EEF1D: variants seen among roughly 807,000 people sequenced by gnomAD.
EEF1D encodes eukaryotic translation elongation factor 1 delta, also known as elongation factor 1-delta.
Under a neutral mutation model 63.9 loss-of-function variants are expected in EEF1D, and 47 were observed. The ratio of observed to expected loss-of-function variants is 0.74; its 90% confidence interval spans 0.58 to 0.94. The LOEUF (loss-of-function observed/expected upper bound fraction) is 0.94, where lower values mean the gene tolerates loss of function less well. Among genes scored for constraint, EEF1D ranks in the 40% least tolerant of loss-of-function variants. EEF1D has a pLI of 0.00. For missense variants in EEF1D, 907 were observed against 899.0 expected (o/e 1.01, Z -0.11); for synonymous variants, 412 against 386.1 (o/e 1.07, Z -0.79).
At position 143,580,644 on chromosome 8, in the gene EEF1D, G is replaced by A. The variant is rs750256442; in HGVS notation, c.1572C>T (p.Asp524=). The A allele has an allele frequency of 1.2e-5, 19 of 1,613,836 alleles. No individual in the cohort carries two copies. Among genetic ancestry groups the A allele is most frequent in the African/African-American group, 2.7e-5 (2 of 74,936 alleles). ...CCTCCTCATTGTCACTGCCAAACAG[G>A]TCAATGTCATCATCCTCGTCATCCT... ...PAEDDEDDDI[D]LFGSDNEEED... is the part of the protein sequence containing the mutation. Residue 524 remains aspartate (D), a synonymous_variant, in exon 8 of 10, where the codon GAC becomes GAT. Transcript: ENST00000618139.
chr8:143,589,939 G>C lies in EEF1D; in HGVS notation c.143C>G (p.Ala48Gly), dbSNP rs776985852. Residue 48 changes from alanine (A) to glycine (G), a missense_variant, in exon 3 of 10, where the codon GCC becomes GGC. Transcript: ENST00000618139. Reference protein sequence around the residue: ...SAQQLPAEGPAMNGPGQDDPE... With the variant: ...SAQQLPAEGPGMNGPGQDDPE... Reference sequence around the variant, plus strand: ...GTCGTCCTGGCCGGGCCCATTCATGGCTGGCCCCTCGGCTGGCAGCTGCTG... The same window carrying C: ...GTCGTCCTGGCCGGGCCCATTCATGCCTGGCCCCTCGGCTGGCAGCTGCTG... 61 of 1,599,728 alleles carry C rather than the reference G, an allele frequency of 3.8e-5. No homozygotes were observed. Among genetic ancestry groups the C allele is most frequent in the Non-Finnish European group, 5.0e-5 (59 of 1,178,966 alleles).
At chr8:143,584,659 AGAG>A (rs1826214546) in intron 5 of EEF1D, among the ~76,000 whole-genome samples, 1 of 152,030 alleles carries the variant, frequency 6.6e-6, no homozygotes, top group African/African-American at 2.4e-5. Context: ...GTGAGGACTC[AGAG>A]GAGGTGAGGA....
chr8:143,580,685 G>T lies in EEF1D; in HGVS notation c.1531C>A (p.Pro511Thr). The T allele has an allele frequency of 6.2e-7, 1 of 1,613,878 alleles. No homozygotes were observed. Among genetic ancestry groups the T allele is most frequent in the Non-Finnish European group, 8.5e-7 (1 of 1,179,998 alleles). ...MRQVEPPAKK[P>T]ATPAEDDEDD... ...TCGTCATCCTCTGCTGGTGTGGCTG[G>T]CTTCTTGGCTGGGGGCTCCACTTGG... The change falls in exon 8 of 10, where the codon CCA (proline) becomes ACA (threonine). Residue 511 changes from proline (P) to threonine (T), a missense_variant. Coordinates refer to ENST00000618139, the MANE Select transcript of EEF1D (RefSeq NM_001130053.5).
intron 2 of EEF1D, chr8:143,592,279 T>C (rs1587229184): frequency 2.0e-6 from 2 of 985,334 alleles, no homozygotes; most frequent in East Asian, 1.1e-4. Flanking sequence ...TACCAGACTT[T>C]ATTGGCCAAA....
chr8:143,586,959 C>T lies in EEF1D; in HGVS notation c.1092-107G>A. On this transcript the variant is annotated intron_variant, in intron 3 of 9. Coordinates refer to ENST00000618139, the MANE Select transcript of EEF1D (RefSeq NM_001130053.5). Reference sequence around the variant, plus strand: ...TGGGGCTGACACCCGCTTCAGACACCAGCGGTTCTCCACAAAGCGACACCA... The same window carrying T: ...TGGGGCTGACACCCGCTTCAGACACTAGCGGTTCTCCACAAAGCGACACCA... 4 of 1,482,954 alleles carry T rather than the reference C, an allele frequency of 2.7e-6. No individual in the cohort carries two copies. The South Asian group carries it at 5.0e-5, about 18-fold the overall frequency. 91.9% of individuals were successfully genotyped at this position (1,482,954 alleles called of 1,614,324 possible). A position where few individuals can be genotyped will look rare whatever the true frequency, so the allele number is the denominator to read the frequency against.
At chr8:143,580,476 GC>G in intron 8 of EEF1D, 29 bp downstream of exon 8, 1 of 1,600,996 alleles carries the variant, frequency 6.2e-7, no homozygotes. Context: ...GCAGTGCCTG[GC>G]CCCCTGAAGC....
rs144665228 is a variant in EEF1D, at chr8:143,584,452, A to G, written c.1287+1767T>C. On this transcript the variant is annotated intron_variant, in intron 5 of 9. Coordinates refer to ENST00000618139, the MANE Select transcript of EEF1D (RefSeq NM_001130053.5). ...CTTGGTGGCAGACACCTGCAGTCTC[A>G]GCTACTCGGGAGGCTGACACAGGAG... 1.9e-3 allele frequency among the ~76,000 whole-genome samples: 289 copies of G among 151,916 alleles called. 6 individuals carry two copies. In the East Asian group the frequency reaches 0.031, roughly 16 times the overall value.
Position 143,580,740 on chromosome 8 carries a change from A to G in EEF1D, c.1489-13T>C. On this transcript the variant is annotated splice_polypyrimidine_tract_variant and intron_variant, in intron 7 of 9. Transcript: ENST00000618139. ...TGGGAGATACGTGCTGCCACAGGGGAAGGGACAGGAGGCACGGCTGAGACG... is the reference window on the plus strand; with the variant it reads ...TGGGAGATACGTGCTGCCACAGGGGGAGGGACAGGAGGCACGGCTGAGACG... 6.2e-7 allele frequency: 1 copy of G among 1,611,610 alleles called. No homozygotes were observed. Among genetic ancestry groups the G allele is most frequent in the East Asian group, 2.2e-5 (1 of 44,866 alleles).
intron 5 of EEF1D, among the ~76,000 whole-genome samples, chr8:143,584,488 A>G (rs1359311051): frequency 5.9e-5 from 9 of 151,802 alleles, no homozygotes; most frequent in Non-Finnish European, 1.2e-4. Flanking sequence ...AATCGCTTGA[A>G]CCCCAGAGGC....
intron 7 of EEF1D, 68 bp from the exon 8 acceptor site, chr8:143,580,795 A>AGGAGGTGGCCAGG: frequency 6.4e-7 from 1 of 1,555,570 alleles, no homozygotes; most frequent in Non-Finnish European, 8.8e-7. Flanking sequence ...CTGCCTGGCC[A>AGGAGGTGGCCAGG]CCTCCTGGCC....
intron 2 of EEF1D, chr8:143,591,995 C>A (rs1428592250): frequency 1.0e-6 from 1 of 976,832 alleles, no homozygotes; most frequent in Non-Finnish European, 1.2e-6. Flanking sequence ...ATGGCACCAA[C>A]GAGGAACCGG....
chr8:143,580,287 C>A (rs1360278649), intron 8 of EEF1D, 81 bp from the exon 9 acceptor site: 83 of 1,421,470 alleles, frequency 5.8e-5, no homozygotes, highest in Non-Finnish European at 7.9e-5. Context: ...CTACCCTCAA[C>A]CACTGTGTGT....
chr8:143,594,947 C>T (rs1276623039), intron 1 of EEF1D, among the ~76,000 whole-genome samples: 1 of 152,162 alleles, frequency 6.6e-6, no homozygotes, highest in Non-Finnish European at 1.5e-5. Context: ...ACTCTGTCAC[C>T]CAGGCTGGAG....
At chr8:143,594,827 G>A (rs954951954) in intron 1 of EEF1D, among the ~76,000 whole-genome samples, 3 of 152,242 alleles carry the variant, frequency 2.0e-5, no homozygotes, top group Non-Finnish European at 4.4e-5. Flanking sequence ...TGGAGCCCCT[G>A]AGGAAGCGGG....
chr8:143,596,581 G>C (rs1172469643), intron 1 of EEF1D: 2 of 152,308 alleles, frequency 1.3e-5, no homozygotes, highest in Non-Finnish European at 2.9e-5. Context: ...TGAGCCGCAG[G>C]CAGTGTCAAC....
intron 3 of EEF1D, among the ~76,000 whole-genome samples, chr8:143,587,745 C>T (rs1177167161): frequency 6.6e-6 from 1 of 152,258 alleles, no homozygotes; most frequent in Non-Finnish European, 1.5e-5. Flanking sequence ...CCATGGCCCG[C>T]AGGCAAATCC....
chr8:143,592,594 G>T, intron 2 of EEF1D, 53 bp downstream of exon 2: 1 of 984,968 alleles, frequency 1.0e-6, no homozygotes, highest in Non-Finnish European at 1.2e-6. Flanking sequence ...GAGGGCTGGG[G>T]GTTCCCCGGT....
At chr8:143,585,381 G>A (rs1826376343) in intron 5 of EEF1D, among the ~76,000 whole-genome samples, 1 of 152,164 alleles carries the variant, frequency 6.6e-6, no homozygotes, top group Admixed American at 6.5e-5. Context: ...CAGAATCTGG[G>A]AGAGGCAAAG....
At chr8:143,581,750 G>A (rs1342362378) in intron 5 of EEF1D, 1 of 196,460 alleles carries the variant, frequency 5.1e-6, no homozygotes, top group South Asian at 1.1e-4. Context: ...AGTGGGGGAA[G>A]AAGGAAGGAG....
Sources: gnomAD v4.1 joint callset for allele counts (sites outside exome capture counted in the v4.1 genomes callset) on GRCh38, gnomAD v4.1.1 for gene constraint, MANE v1.5 for transcripts, NCBI Gene and HGNC (gene_info 2026-07-23, HGNC 2026-07-21) for gene names.